Variants in IRF2 observed in about 807,000 individuals in gnomAD.
The protein encoded by IRF2 is interferon regulatory factor 2.
In IRF2, 15 loss-of-function variants were observed where a neutral mutation model predicts 40.6. The observed-to-expected ratio is 0.37, with a 90% confidence interval of 0.25 to 0.57. The LOEUF is 0.57. Among genes scored for constraint, IRF2 ranks in the 20% least tolerant of loss-of-function variants. The probability of loss-of-function intolerance (pLI) is 0.77; values close to 1 mark genes in which losing one functional copy is unlikely to be tolerated. For missense variants in IRF2, 317 were observed against 455.7 expected, an observed-to-expected ratio of 0.70 and a Z score of 2.77; for synonymous variants, 151 against 165.5, an observed-to-expected ratio of 0.91 and a Z score of 0.67.
chr4:184,390,775 G>A lies in IRF2; in HGVS notation c.695-26C>T, dbSNP rs1249208340. On this transcript the variant is annotated intron_variant, in intron 7 of 8. Coordinates refer to ENST00000393593, the MANE Select transcript of IRF2 (RefSeq NM_002199.4). The stretch of plus-strand genomic sequence containing the variant: ...CTGTTCACAGAGAGAAAAACACAGG[G>A]CCATCATTCCTGTCCCTCAAGCTGT... The A allele has an allele frequency of 2.5e-6, 4 of 1,613,474 alleles. No individual in the cohort carries two copies. The East Asian group carries it at 6.7e-5, about 27-fold the overall frequency.
intron 4 of IRF2, 127 bp from the exon 5 acceptor site, chr4:184,418,340 T>G: frequency 1.0e-6 from 1 of 968,012 alleles, no homozygotes; most frequent in South Asian, 1.4e-5. Context: ...TGGTCAAAAT[T>G]CCACATGTAT....
chr4:184,416,962 C>T lies in IRF2; in HGVS notation c.411+1205G>A, dbSNP rs545498706. ...TCGGGAGGTTGAGGCAGGAGAATCG[C>T]TTGAACCCAGGAGGCGGAGGTTGCA... On this transcript the variant is annotated intron_variant, in intron 5 of 8. Transcript: ENST00000393593. 2.6e-5 allele frequency among the ~76,000 whole-genome samples: 4 copies of T among 152,266 alleles called. No individual in the cohort carries two copies. The South Asian group carries it at 8.3e-4, about 32-fold the overall frequency.
intron 1 of IRF2, among the ~76,000 whole-genome samples, chr4:184,469,430 A>T (rs1038465694): frequency 2.0e-5 from 3 of 152,210 alleles, no homozygotes; most frequent in Non-Finnish European, 4.4e-5. Flanking sequence ...TAATCCCAGC[A>T]CTTTGGGATG....
At position 184,430,344 on chromosome 4, in the gene IRF2, G is replaced by T. The variant is rs184254361; in HGVS notation, c.-6-1274C>A. 1.3e-4 allele frequency among the ~76,000 whole-genome samples: 17 copies of T among 134,698 alleles called. No homozygotes were observed. In the East Asian group the frequency reaches 3.1e-3, roughly 25 times the overall value. 88.4% of individuals were successfully genotyped at this position (134,698 alleles called of 152,430 possible). ...GTCTGGCCCAGCCTTTTCCTTGTAT[G>T]CCTCCTGCAGTCTGGCCCACTGACT... On this transcript the variant is annotated intron_variant, in intron 1 of 8. Coordinates refer to ENST00000393593, the MANE Select transcript of IRF2 (RefSeq NM_002199.4).
intron 1 of IRF2, among the ~76,000 whole-genome samples, chr4:184,439,869 T>G (rs111977427): frequency 1.6e-4 from 25 of 152,320 alleles, no homozygotes; most frequent in African/African-American, 5.5e-4. Flanking sequence ...CACCTGTCTA[T>G]CACTGGTTCT....
chr4:184,412,005 TAAA>T (rs35183333), intron 5 of IRF2, among the ~76,000 whole-genome samples: 14 of 95,238 alleles, frequency 1.5e-4, no homozygotes, highest in African/African-American at 2.3e-4. Context: ...CTCCAAAGAT[TAAA>T]AAAAAAAAAA....
Position 184,466,064 on chromosome 4 carries a change from T to TTG in IRF2, c.-7+8314_-7+8315insCA, listed in dbSNP as rs1389928573. Among the ~76,000 whole-genome samples the TTG allele has an allele frequency of 5.2e-5, 6 of 114,972 alleles. No individual in the cohort carries two copies. In the South Asian group the frequency reaches 8.7e-4, roughly 17 times the overall value. The allele number at this position is 114,972 out of a possible 152,430, so 75.4% of individuals were successfully genotyped here. On this transcript the variant is annotated intron_variant, in intron 1 of 8. Transcript: ENST00000393593. ...TGTCCCATCTGGTTGTTTTTTGTTTTTTGTTTTTTTTTTGAGATGAAGTCT... is the reference window on the plus strand; with the variant it reads ...TGTCCCATCTGGTTGTTTTTTGTTTTTGTTGTTTTTTTTTTGAGATGAAGTCT...
At chr4:184,471,662 A>G (rs915457626) in intron 1 of IRF2, among the ~76,000 whole-genome samples, 2 of 152,262 alleles carry the variant, frequency 1.3e-5, no homozygotes, top group South Asian at 4.1e-4. Flanking sequence ...TCAAATGTGG[A>G]GCATCCAAAG....
At chr4:184,451,170 T>C (rs951939091) in intron 1 of IRF2, among the ~76,000 whole-genome samples, 1 of 152,158 alleles carries the variant, frequency 6.6e-6, no homozygotes, top group African/African-American at 2.4e-5. Context: ...TACTTCCTCA[T>C]GAAAGTGTGA....
At chr4:184,462,511 T>C (rs1027287424) in intron 1 of IRF2, among the ~76,000 whole-genome samples, 3 of 152,326 alleles carry the variant, frequency 2.0e-5, no homozygotes, top group East Asian at 1.9e-4. Flanking sequence ...CGCCTAGATG[T>C]TGTGGGCTGT....
intron 6 of IRF2, among the ~76,000 whole-genome samples, chr4:184,405,201 G>A (rs1368914086): frequency 6.6e-6 from 1 of 152,160 alleles, no homozygotes; most frequent in Non-Finnish European, 1.5e-5. Context: ...CCGAGATTGT[G>A]CCACTGCACT....
At chr4:184,473,150 G>A (rs1739579709) in intron 1 of IRF2, among the ~76,000 whole-genome samples, 1 of 151,934 alleles carries the variant, frequency 6.6e-6, no homozygotes, top group Admixed American at 6.5e-5. Flanking sequence ...AGTGGCGGCC[G>A]CCGCGGCTTT....
intron 6 of IRF2, among the ~76,000 whole-genome samples, chr4:184,405,068 C>T (rs1736802608): frequency 6.6e-6 from 1 of 152,154 alleles, no homozygotes. Context: ...CATGGTGAAA[C>T]TCCATCTCTA....
At chr4:184,423,554 T>C (rs1737559065) in intron 2 of IRF2, among the ~76,000 whole-genome samples, 1 of 151,708 alleles carries the variant, frequency 6.6e-6, no homozygotes, top group Non-Finnish European at 1.5e-5. Flanking sequence ...ACTCTCAAAG[T>C]GAAAAAAAGG....
intron 1 of IRF2, among the ~76,000 whole-genome samples, chr4:184,440,882 TG>T (rs1738279325): frequency 6.6e-6 from 1 of 152,122 alleles, no homozygotes; most frequent in East Asian, 1.9e-4. Context: ...GAGAGTGGTT[TG>T]GGGCCTACAG....
intron 2 of IRF2, among the ~76,000 whole-genome samples, chr4:184,428,181 G>C (rs1383814155): frequency 6.6e-6 from 1 of 152,154 alleles, no homozygotes; most frequent in Non-Finnish European, 1.5e-5. Flanking sequence ...TCTTAGGAAA[G>C]GTGGACACAC....
At chr4:184,453,159 C>T (rs765410702) in intron 1 of IRF2, among the ~76,000 whole-genome samples, 1 of 152,132 alleles carries the variant, frequency 6.6e-6, no homozygotes, top group Non-Finnish European at 1.5e-5. Context: ...CTTCCAGATA[C>T]ATTTAAATTA....
chr4:184,398,670 T>A (rs146842109), intron 7 of IRF2, among the ~76,000 whole-genome samples: 6,031 of 146,160 alleles, frequency 0.041, 147 homozygotes, highest in African/African-American at 0.052. Context: ...AAAAAAAAAA[T>A]AAATAAATAA....
intron 1 of IRF2, among the ~76,000 whole-genome samples, chr4:184,466,347 G>T (rs906010899): frequency 6.6e-5 from 10 of 152,044 alleles, no homozygotes; most frequent in African/African-American, 2.4e-4. Flanking sequence ...CACCGCGCAC[G>T]GCCAATCCCA....
Sources: allele counts gnomAD v4.1 joint callset (sites outside exome capture counted in the v4.1 genomes callset), GRCh38; gene constraint gnomAD v4.1.1; transcripts MANE v1.5; gene names NCBI Gene and HGNC (gene_info 2026-07-23, HGNC 2026-07-21).